Variants in DOK6 observed in about 807,000 individuals in gnomAD.
DOK6 encodes downstream of tyrosine kinase 6.
DOK6 carries 22 observed loss-of-function variants against 44.0 expected under a neutral mutation model. The observed-to-expected ratio is 0.50, with a 90% CI of 0.36 to 0.71. The LOEUF (loss-of-function observed/expected upper bound fraction) is 0.71. Among genes scored for constraint, DOK6 ranks in the 30% least tolerant of loss-of-function variants. The pLI, the probability that DOK6 is intolerant of heterozygous loss-of-function variation, is 0.00. For synonymous variants in DOK6, 166 were observed against 145.5 expected, an observed-to-expected ratio of 1.14 and a Z score of -1.01; for missense variants, 340 against 416.4, an observed-to-expected ratio of 0.82 and a Z score of 1.60.
chr18:69,805,012 G>T (rs1214216991), intron 7 of DOK6, among the ~76,000 whole-genome samples: 1 of 152,174 alleles, frequency 6.6e-6, no homozygotes. Context: ...TGGAGTCCTT[G>T]TACTGTGGAA....
chr18:69,676,558 G>T (rs1352108896), intron 3 of DOK6, among the ~76,000 whole-genome samples: 3 of 152,138 alleles, frequency 2.0e-5, no homozygotes, highest in Admixed American at 2.0e-4. Flanking sequence ...GATTTACAGA[G>T]AATCCATATT....
chr18:69,568,358 CG>C (rs1225031096), intron 2 of DOK6, among the ~76,000 whole-genome samples: 2 of 152,152 alleles, frequency 1.3e-5, no homozygotes, highest in African/African-American at 4.8e-5. Flanking sequence ...ATGTTTACCT[CG>C]GCCTGTACTT....
intron 3 of DOK6, among the ~76,000 whole-genome samples, chr18:69,649,410 A>G (rs112694712): frequency 3.3e-5 from 5 of 152,202 alleles, no homozygotes; most frequent in Non-Finnish European, 5.9e-5. Context: ...ATCCATGCTA[A>G]TGATGAAAAT....
intron 2 of DOK6, among the ~76,000 whole-genome samples, chr18:69,578,006 G>A (rs1983278662): frequency 6.6e-6 from 1 of 151,912 alleles, no homozygotes; most frequent in African/African-American, 2.4e-5. Flanking sequence ...AAACCACCAT[G>A]GCACATACAT....
At chr18:69,500,964 T>A (rs942805513) in intron 1 of DOK6, among the ~76,000 whole-genome samples, 18 of 152,150 alleles carry the variant, frequency 1.2e-4, no homozygotes, top group African/African-American at 4.3e-4. Flanking sequence ...CATTTGGTTT[T>A]GGAGTGTGTG....
At chr18:69,518,780 AC>A (rs1307442631) in intron 1 of DOK6, among the ~76,000 whole-genome samples, 1 of 152,184 alleles carries the variant, frequency 6.6e-6, no homozygotes, top group Non-Finnish European at 1.5e-5. Context: ...TGTAAAAGGA[AC>A]ATATGATGGA....
intron 6 of DOK6, among the ~76,000 whole-genome samples, chr18:69,752,572 C>A (rs191344679): frequency 6.6e-6 from 1 of 152,120 alleles, no homozygotes; most frequent in East Asian, 1.9e-4. Context: ...GTAAATGGAG[C>A]CTGTGATAGA....
chr18:69,666,341 C>T (rs572457167), intron 3 of DOK6, among the ~76,000 whole-genome samples: 41 of 152,288 alleles, frequency 2.7e-4, no homozygotes, highest in Non-Finnish European at 4.7e-4. Flanking sequence ...CTCTATCCAA[C>T]GCCCAGTTCA....
At chr18:69,498,014 A>C (rs915070729) in intron 1 of DOK6, among the ~76,000 whole-genome samples, 12 of 151,958 alleles carry the variant, frequency 7.9e-5, no homozygotes, top group Admixed American at 7.2e-4. Context: ...AAAAGTGAAG[A>C]CAAATAATAT....
chr18:69,813,330 G>A (rs1981298967), intron 7 of DOK6, among the ~76,000 whole-genome samples: 1 of 152,126 alleles, frequency 6.6e-6, no homozygotes, highest in African/African-American at 2.4e-5. Flanking sequence ...GAGTTTCCAG[G>A]TTGAACGTAT....
At chr18:69,706,684 T>TCCCCCCA (rs1986643407) in intron 5 of DOK6, among the ~76,000 whole-genome samples, 1 of 19,866 alleles carries the variant, frequency 5.0e-5, no homozygotes, top group Non-Finnish European at 1.0e-4. Flanking sequence ...CCCTCCCCCC[T>TCCCCCCA]CCCCCCACCC....
intron 5 of DOK6, among the ~76,000 whole-genome samples, chr18:69,702,780 T>G (rs1176866649): frequency 6.6e-6 from 1 of 152,196 alleles, no homozygotes; most frequent in Non-Finnish European, 1.5e-5. Context: ...GACTTTATCT[T>G]CTTGATTCCA....
At chr18:69,760,609 G>A (rs1979520708) in intron 7 of DOK6, among the ~76,000 whole-genome samples, 3 of 151,986 alleles carry the variant, frequency 2.0e-5, no homozygotes, top group South Asian at 2.1e-4. Flanking sequence ...TTTATACTTC[G>A]GGTTGGCTTA....
chr18:69,556,684 T>C (rs1180298135), intron 1 of DOK6, among the ~76,000 whole-genome samples: 1 of 152,228 alleles, frequency 6.6e-6, no homozygotes, highest in Non-Finnish European at 1.5e-5. Flanking sequence ...TTTGAATAAA[T>C]GAATGAATGA....
chr18:69,641,713 C>T (rs769210974), intron 3 of DOK6, among the ~76,000 whole-genome samples: 3 of 152,168 alleles, frequency 2.0e-5, no homozygotes, highest in African/African-American at 7.2e-5. Flanking sequence ...GGTCTCCTGA[C>T]TTGAATTTTC....
chr18:69,489,477 G>A (rs575755470), intron 1 of DOK6, among the ~76,000 whole-genome samples: 1 of 152,252 alleles, frequency 6.6e-6, no homozygotes, highest in Admixed American at 6.5e-5. Flanking sequence ...TAGTGGGGAA[G>A]TGTGTACACC....
At chr18:69,445,749 AGTGGCT>A (rs1337066771) in intron 1 of DOK6, among the ~76,000 whole-genome samples, 2 of 152,176 alleles carry the variant, frequency 1.3e-5, no homozygotes, top group Admixed American at 1.3e-4. Context: ...GGCCAGGCAT[AGTGGCT>A]CATGTCTATA....
At chr18:69,637,129 C>A (rs1054009115) in intron 3 of DOK6, among the ~76,000 whole-genome samples, 1 of 152,218 alleles carries the variant, frequency 6.6e-6, no homozygotes, top group Non-Finnish European at 1.5e-5. Context: ...TCTGTGCACC[C>A]TGTGATCTGT....
intron 3 of DOK6, among the ~76,000 whole-genome samples, chr18:69,614,341 T>C (rs1384045042): frequency 6.6e-6 from 1 of 152,178 alleles, no homozygotes; most frequent in African/African-American, 2.4e-5. Flanking sequence ...GAATTCAAAA[T>C]GACAGGCAGT....
Sources: gnomAD v4.1 joint callset for allele counts (sites outside exome capture counted in the v4.1 genomes callset) on GRCh38, gnomAD v4.1.1 for gene constraint, MANE v1.5 for transcripts, NCBI Gene and HGNC (gene_info 2026-07-23, HGNC 2026-07-21) for gene names.